The following ZSCAN25 variants were observed in gnomAD, a reference collection of about 807,000 sequenced individuals.
ZSCAN25 encodes the protein zinc finger and SCAN domain containing 25, also known as zinc finger and SCAN domain-containing protein 25.
Under a neutral mutation model 38.7 loss-of-function variants are expected in ZSCAN25, and 27 were observed. The ratio of observed to expected loss-of-function variants is 0.70; its 90% CI spans 0.51 to 0.96. The LOEUF (loss-of-function observed/expected upper bound fraction) is 0.96, where lower values mean the gene tolerates loss of function less well. Ranked by LOEUF, ZSCAN25 falls within the 40% of genes least tolerant of loss-of-function variation. The probability of loss-of-function intolerance (pLI) is 0.00; values close to 1 mark genes in which losing one functional copy is unlikely to be tolerated. For missense variants in ZSCAN25, 637 were observed against 705.9 expected (o/e 0.90, Z 1.11); for synonymous variants, 273 against 277.7 (o/e 0.98, Z 0.17).
the ZSCAN25 span, among the ~76,000 whole-genome samples, chr7:99,733,708 AATATCT>A: frequency 6.6e-6 from 1 of 152,086 alleles, no homozygotes; most frequent in Non-Finnish European, 1.5e-5. Context: ...AGGACCCATG[AATATCT>A]ATTTGGAGTT....
chr7:99,672,803 A>G, the ZSCAN25 span: 2 of 1,528,986 alleles, frequency 1.3e-6, no homozygotes, highest in Non-Finnish European at 8.8e-7. Context: ...TACGACACAC[A>G]GCAACCTTAG....
At chr7:99,686,092 G>A in the ZSCAN25 span, among the ~76,000 whole-genome samples, 3 of 152,190 alleles carry the variant, frequency 2.0e-5, no homozygotes, top group Non-Finnish European at 2.9e-5. Context: ...CACAGAAGAC[G>A]GGTGATTTCT....
chr7:99,720,527 A>C, the ZSCAN25 span: 1 of 1,145,470 alleles, frequency 8.7e-7, no homozygotes, highest in Non-Finnish European at 1.3e-6. Context: ...GATGTACAAT[A>C]CACAGTAATC....
At chr7:99,676,388 G>A in the ZSCAN25 span, 3 of 1,517,658 alleles carry the variant, frequency 2.0e-6, no homozygotes, top group African/African-American at 4.1e-5. Context: ...TGACTATTCT[G>A]AGACCCCTGA....
the ZSCAN25 span, among the ~76,000 whole-genome samples, chr7:99,727,274 A>G: frequency 3.3e-5 from 5 of 152,204 alleles, no homozygotes; most frequent in African/African-American, 1.2e-4. Context: ...TAGGCTGGTC[A>G]TCATGTCTCT....
the ZSCAN25 span, chr7:99,704,924 T>A: frequency 1.3e-5 from 2 of 153,016 alleles, no homozygotes; most frequent in African/African-American, 4.8e-5. Flanking sequence ...ATTGCACCAC[T>A]GCACTCCAGT....
chr7:99,644,794 A>G, the ZSCAN25 span, among the ~76,000 whole-genome samples: 1 of 151,944 alleles, frequency 6.6e-6, no homozygotes, highest in Non-Finnish European at 1.5e-5. Context: ...TTTCCTTTCC[A>G]TGTATGTAAC....
At chr7:99,734,914 G>A in the ZSCAN25 span, 1 of 1,549,088 alleles carries the variant, frequency 6.5e-7, no homozygotes, top group Non-Finnish European at 8.9e-7. Flanking sequence ...AGCCACCACG[G>A]CCAGCCTGAA....
the ZSCAN25 span, chr7:99,735,131 T>C: frequency 6.2e-7 from 1 of 1,613,238 alleles, no homozygotes; most frequent in Non-Finnish European, 8.5e-7. Flanking sequence ...TCTGAGTCTT[T>C]TTTTCAGCAG....
At chr7:99,619,437 CTG>C in intron 3 of ZSCAN25, 122 bp from the exon 4 acceptor site, 9 of 748,748 alleles carry the variant, frequency 1.2e-5, no homozygotes, top group Non-Finnish European at 1.9e-5. Flanking sequence ...CTTTTGGGAT[CTG>C]TGTTCAGTCT....
At chr7:99,672,302 G>A in the ZSCAN25 span, among the ~76,000 whole-genome samples, 3 of 151,928 alleles carry the variant, frequency 2.0e-5, no homozygotes, top group Non-Finnish European at 2.9e-5. Context: ...CACCTGCCTC[G>A]GCCTCCCAAA....
the ZSCAN25 span, among the ~76,000 whole-genome samples, chr7:99,694,927 A>G: frequency 5.3e-5 from 8 of 152,212 alleles, no homozygotes; most frequent in East Asian, 7.7e-4. Flanking sequence ...TAAATATTTA[A>G]TAATTTCATC....
At chr7:99,725,326 G>A in the ZSCAN25 span, among the ~76,000 whole-genome samples, 2 of 152,088 alleles carry the variant, frequency 1.3e-5, no homozygotes, top group African/African-American at 4.8e-5. Context: ...TGGATTCCAG[G>A]CCTCAAACCC....
At chr7:99,684,848 AGGAGGAGTTAAT>A in the ZSCAN25 span, 1 of 215,648 alleles carries the variant, frequency 4.6e-6, no homozygotes, top group African/African-American at 2.3e-5. Context: ...ATCAGAGCTC[AGGAGGAGTTAAT>A]GGTGCTAACT....
the ZSCAN25 span, among the ~76,000 whole-genome samples, chr7:99,692,101 ATC>A: frequency 2.0e-5 from 3 of 152,092 alleles, no homozygotes; most frequent in Non-Finnish European, 2.9e-5. Flanking sequence ...TGGTGACAAA[ATC>A]TCTCAGCATT....
the ZSCAN25 span, among the ~76,000 whole-genome samples, chr7:99,677,707 A>G: frequency 6.6e-6 from 1 of 152,246 alleles, no homozygotes; most frequent in African/African-American, 2.4e-5. Context: ...CAGAACAGTT[A>G]GTGGAAGTGC....
At chr7:99,642,063 TG>T in the ZSCAN25 span, among the ~76,000 whole-genome samples, 1 of 152,266 alleles carries the variant, frequency 6.6e-6, no homozygotes, top group Non-Finnish European at 1.5e-5. Flanking sequence ...CAGCTCCTGT[TG>T]TTCTCCTTGC....
At chr7:99,678,885 C>A in the ZSCAN25 span, among the ~76,000 whole-genome samples, 12,165 of 152,208 alleles carry the variant, frequency 0.08, 611 homozygotes, top group African/African-American at 0.13. Context: ...GCCTCCACTA[C>A]CCACAGTGGA....
the ZSCAN25 span, among the ~76,000 whole-genome samples, chr7:99,689,725 A>G: frequency 6.6e-6 from 1 of 152,228 alleles, no homozygotes; most frequent in Non-Finnish European, 1.5e-5. Context: ...TAAAATACCT[A>G]GGAATCCACC....
Sources: allele counts gnomAD v4.1 joint callset (sites outside exome capture counted in the v4.1 genomes callset), GRCh38; gene constraint gnomAD v4.1.1; transcripts MANE v1.5; gene names NCBI Gene and HGNC (gene_info 2026-07-23, HGNC 2026-07-21).